The following ATF6 variants were observed in gnomAD, a reference collection of about 807,000 sequenced individuals.
ATF6 encodes the protein cyclic AMP-dependent transcription factor ATF-6 alpha.
A neutral mutation model predicts 83.6 loss-of-function variants in ATF6; 53 were observed. The observed-to-expected ratio is 0.63, with a 90% CI of 0.51 to 0.80. The LOEUF is 0.80. Among genes scored for constraint, ATF6 ranks in the 30% least tolerant of loss-of-function variants. The probability of loss-of-function intolerance (pLI) is 0.00; values close to 1 mark genes in which losing one functional copy is unlikely to be tolerated. For synonymous variants in ATF6, 288 were observed against 285.8 expected, an observed-to-expected ratio of 1.01 and a Z score of -0.08; for missense variants, 744 against 797.9, an observed-to-expected ratio of 0.93 and a Z score of 0.81.
At chr1:161,933,119 T>A (rs2101903545) in intron 15 of ATF6, among the ~76,000 whole-genome samples, 1 of 152,318 alleles carries the variant, frequency 6.6e-6, no homozygotes, top group East Asian at 1.9e-4. Flanking sequence ...AGAAGGGAAA[T>A]ACCAAGGGTA....
intron 9 of ATF6, among the ~76,000 whole-genome samples, chr1:161,836,264 TTTG>T (rs1057027409): frequency 9.2e-5 from 14 of 152,094 alleles, no homozygotes; most frequent in African/African-American, 2.2e-4. Flanking sequence ...GTTCCAATTT[TTTG>T]TTGTTGTTGT....
intron 10 of ATF6, among the ~76,000 whole-genome samples, chr1:161,847,558 CAT>C (rs1220708026): frequency 6.6e-6 from 1 of 152,122 alleles, no homozygotes. Context: ...TGTTGGAAAA[CAT>C]AGCATTTCCT....
chr1:161,942,088 C>T (rs1243452603), intron 15 of ATF6, among the ~76,000 whole-genome samples: 1 of 152,130 alleles, frequency 6.6e-6, no homozygotes, highest in Non-Finnish European at 1.5e-5. Flanking sequence ...ACAGCTTTCT[C>T]TGGGTTCTTT....
intron 7 of ATF6, among the ~76,000 whole-genome samples, chr1:161,813,938 G>A (rs1335794415): frequency 2.0e-5 from 3 of 150,592 alleles, no homozygotes; most frequent in Non-Finnish European, 3.0e-5. Context: ...AGGCTGGAGT[G>A]CAATGGTGTG....
At chr1:161,899,778 G>A (rs189294728) in intron 14 of ATF6, among the ~76,000 whole-genome samples, 3 of 152,240 alleles carry the variant, frequency 2.0e-5, no homozygotes, top group Admixed American at 2.0e-4. Flanking sequence ...TTGTGGGATA[G>A]GCACAGAGTT....
Position 161,788,523 on chromosome 1 carries a change from G to T in ATF6, c.355-2885G>T, listed in dbSNP as rs567482982. Among the ~76,000 whole-genome samples the T allele has an allele frequency of 1.8e-4, 28 of 151,862 alleles. No individual in the cohort carries two copies. In the Middle Eastern group the frequency reaches 0.017, roughly 93 times the overall value. The stretch of plus-strand genomic sequence containing the variant: ...TCCCTTTCTATTATCTATTAACTTT[G>T]TAGTCTTTATTAAGTATAAATAGTT... On this transcript the variant is annotated intron_variant, in intron 4 of 15. Transcript: ENST00000367942.
Position 161,958,462 on chromosome 1 carries a change from G to A in ATF6, c.1821G>A (p.Gly607=). ...TGTCTGCAGAGAATGTGATCAATGG[G>A]CAGGACTACGAAGTGATGATGCAGA... ...AININENVIN[G]QDYEVMMQID... Residue 607 remains glycine, a synonymous_variant, in exon 16 of 16, where the codon GGG becomes GGA. Transcript: ENST00000367942. 6.2e-7 allele frequency: 1 copy of A among 1,607,026 alleles called. No homozygotes were observed. The highest frequency in any genetic ancestry group is 8.5e-7 in the Non-Finnish European group (1 of 1,176,088).
chr1:161,776,722 G>C (rs1343483953), intron 1 of ATF6, among the ~76,000 whole-genome samples: 2 of 152,212 alleles, frequency 1.3e-5, no homozygotes, highest in Non-Finnish European at 2.9e-5. Context: ...GCTCATTTTG[G>C]ATATGTTAGG....
At chr1:161,906,289 T>C (rs1356566059) in intron 14 of ATF6, among the ~76,000 whole-genome samples, 1 of 152,214 alleles carries the variant, frequency 6.6e-6, no homozygotes, top group Non-Finnish European at 1.5e-5. Context: ...GAAACTCTCA[T>C]GAAAAGAGAA....
At position 161,883,697 on chromosome 1, in the gene ATF6, CAT is replaced by C. The variant is rs1403869757; in HGVS notation, c.1719+20391_1719+20392del. ...TATCTTAGAAGCATTAAAACACACA[CAT>C]ATATAAAATCATATAGATTAAAAAA... is the stretch of plus-strand genomic sequence containing the variant. On this transcript the variant is annotated intron_variant, in intron 14 of 15. Coordinates refer to ENST00000367942, the MANE Select transcript of ATF6 (RefSeq NM_007348.4). 2.6e-5 allele frequency among the ~76,000 whole-genome samples: 4 copies of C among 151,952 alleles called. No individual in the cohort carries two copies. The East Asian group carries it at 7.7e-4, about 29-fold the overall frequency.
At position 161,953,164 on chromosome 1, in the gene ATF6, C is replaced by A. The variant is rs778196277; in HGVS notation, c.1805-5282C>A. 4.6e-5 allele frequency among the ~76,000 whole-genome samples: 7 copies of A among 152,236 alleles called. 1 individual carries two copies. The South Asian group carries it at 1.5e-3, about 32-fold the overall frequency. On this transcript the variant is annotated intron_variant, in intron 15 of 15. Coordinates refer to ENST00000367942, the MANE Select transcript of ATF6 (RefSeq NM_007348.4). ...CTGGAAATTTAGGGTATATTAAACTCATGTAAAAGTACTTTATATTTAAAT... is the reference window on the plus strand; with the variant it reads ...CTGGAAATTTAGGGTATATTAAACTAATGTAAAAGTACTTTATATTTAAAT...
At chr1:161,933,894 G>A (rs919840672) in intron 15 of ATF6, among the ~76,000 whole-genome samples, 3 of 152,060 alleles carry the variant, frequency 2.0e-5, no homozygotes, top group African/African-American at 4.8e-5. Context: ...TACCCAGATC[G>A]TTACATGGCT....
intron 15 of ATF6, among the ~76,000 whole-genome samples, chr1:161,939,604 C>T (rs1001709389): frequency 1.2e-4 from 18 of 152,250 alleles, no homozygotes; most frequent in Admixed American, 2.0e-4. Flanking sequence ...GAGACCCACG[C>T]TCTTTCTTTC....
intron 9 of ATF6, among the ~76,000 whole-genome samples, chr1:161,833,847 G>A (rs1686139634): frequency 6.6e-6 from 1 of 152,204 alleles, no homozygotes; most frequent in South Asian, 2.1e-4. Flanking sequence ...ATATTATCCA[G>A]GAGAACTTCC....
chr1:161,915,079 C>G (rs1688069161), intron 15 of ATF6, among the ~76,000 whole-genome samples: 1 of 152,136 alleles, frequency 6.6e-6, no homozygotes, highest in South Asian at 2.1e-4. Context: ...AACATCCTCT[C>G]TCCCCACCCC....
chr1:161,958,622 G>T lies in ATF6; in HGVS notation c.1981G>T (p.Val661Phe). The change falls in exon 16 of 16, where the codon GTT (valine) becomes TTT (phenylalanine). Residue 661 changes from valine (V) to phenylalanine (F), a missense_variant. Val to Phe is a conservative substitution (Grantham distance 50). Transcript: ENST00000367942. Reference sequence around the variant, plus strand: ...TCCCGCAGCCACAGAGGCAACCCACGTTGTCAGCACCATCCCTGAGTCATT... The same window carrying T: ...TCCCGCAGCCACAGAGGCAACCCACTTTGTCAGCACCATCCCTGAGTCATT... ...SPPAATEATHVVSTIPESLQ is the reference protein window; with the variant it reads ...SPPAATEATHFVSTIPESLQ 2 of 1,613,564 alleles carry T rather than the reference G, an allele frequency of 1.2e-6. No homozygotes were observed. The highest frequency in any genetic ancestry group is 1.7e-6 in the Non-Finnish European group (2 of 1,179,820).
At chr1:161,880,328 A>ATGTATG (rs955352289) in intron 14 of ATF6, among the ~76,000 whole-genome samples, 31 of 148,030 alleles carry the variant, frequency 2.1e-4, no homozygotes, top group African/African-American at 7.6e-4. Flanking sequence ...TGTGATATGT[A>ATGTATG]TGTGTGTGTG....
chr1:161,923,763 G>C (rs1558027207), intron 15 of ATF6, among the ~76,000 whole-genome samples: 1 of 152,144 alleles, frequency 6.6e-6, no homozygotes, highest in Non-Finnish European at 1.5e-5. Context: ...ATCCTTCTAG[G>C]ATATTAGTTA....
intron 1 of ATF6, among the ~76,000 whole-genome samples, chr1:161,767,736 T>A (rs554105378): frequency 6.6e-6 from 1 of 152,362 alleles, no homozygotes; most frequent in East Asian, 1.9e-4. Flanking sequence ...TCCTAACTCA[T>A]GTCTACAGAT....
Sources: allele counts gnomAD v4.1 joint callset (sites outside exome capture counted in the v4.1 genomes callset), GRCh38; gene constraint gnomAD v4.1.1; transcripts MANE v1.5; gene names NCBI Gene and HGNC (gene_info 2026-07-23, HGNC 2026-07-21).